Variants in TSG101 observed in about 807,000 individuals in gnomAD.
TSG101 encodes tumor susceptibility 101.
TSG101 carries 19 observed loss-of-function variants against 48.5 expected under a neutral mutation model. That is an observed-to-expected ratio of 0.39 (90% CI 0.27 to 0.58). The LOEUF (loss-of-function observed/expected upper bound fraction) is 0.58. Among genes scored for constraint, TSG101 ranks in the 20% least tolerant of loss-of-function variants. The probability of loss-of-function intolerance (pLI) is 0.55; values close to 1 mark genes in which losing one functional copy is unlikely to be tolerated. For missense variants in TSG101, 365 were observed against 484.4 expected (o/e 0.75, Z 2.31); for synonymous variants, 174 against 169.4 (o/e 1.03, Z -0.21).
At chr11:18,492,468 T>C (rs1480222697) in intron 7 of TSG101, among the ~76,000 whole-genome samples, 1 of 152,234 alleles carries the variant, frequency 6.6e-6, no homozygotes, top group South Asian at 2.1e-4. Flanking sequence ...AATTTTTAAA[T>C]CCTTATTTTT....
chr11:18,504,536 G>T (rs1420752644), intron 6 of TSG101, among the ~76,000 whole-genome samples: 3 of 152,132 alleles, frequency 2.0e-5, no homozygotes, highest in African/African-American at 7.2e-5. Context: ...ATGCTGTAAA[G>T]AAATGTCAAT....
chr11:18,496,509 A>ACAT (rs1849786276), intron 7 of TSG101, among the ~76,000 whole-genome samples: 1 of 145,474 alleles, frequency 6.9e-6, no homozygotes, highest in African/African-American at 2.5e-5. Flanking sequence ...AAATAAAATA[A>ACAT]ATCTACAGAG....
chr11:18,498,988 T>C (rs1190725263), intron 7 of TSG101, among the ~76,000 whole-genome samples: 2 of 151,868 alleles, frequency 1.3e-5, no homozygotes, highest in Non-Finnish European at 2.9e-5. Context: ...AACTATCCAT[T>C]GGATGTAACC....
Position 18,500,015 on chromosome 11 carries a change from C to T in TSG101, c.640+2471G>A, listed in dbSNP as rs574866227. ...CATAAGCCCTATCCCACCCACACAC[C>T]GTTCTTAAGTCTCTGGTGTCTATCA... On this transcript the variant is annotated intron_variant, in intron 7 of 9. Coordinates refer to ENST00000251968, the MANE Select transcript of TSG101 (RefSeq NM_006292.4). 6.3e-4 allele frequency among the ~76,000 whole-genome samples: 96 copies of T among 152,266 alleles called. 1 individual carries two copies. Among genetic ancestry groups the T allele is most frequent in the South Asian group, 1.0e-3 (5 of 4,826 alleles).
At chr11:18,509,702 T>C (rs532218738) in intron 4 of TSG101, 37 bp from the exon 5 acceptor site, 18 of 1,536,840 alleles carry the variant, frequency 1.2e-5, no homozygotes, top group Non-Finnish European at 1.6e-5. Flanking sequence ...AGCTACAGAG[T>C]TGCTTTTCAG....
intron 4 of TSG101, among the ~76,000 whole-genome samples, chr11:18,514,195 A>G (rs1255159359): frequency 2.6e-5 from 4 of 152,018 alleles, no homozygotes; most frequent in Non-Finnish European, 5.9e-5. Context: ...ACATGTCTTG[A>G]TTGCCTAAAC....
chr11:18,520,659 T>C (rs187922698), intron 1 of TSG101, among the ~76,000 whole-genome samples: 84 of 152,344 alleles, frequency 5.5e-4, no homozygotes, highest in African/African-American at 1.8e-3. Context: ...GTTTGGAATG[T>C]GTTAATTGTA....
Position 18,484,018 on chromosome 11 carries a change from G to A in TSG101, c.695C>T (p.Ser232Phe). The A allele has an allele frequency of 6.2e-7, 1 of 1,614,196 alleles. No individual in the cohort carries two copies. The highest frequency in any genetic ancestry group is 8.5e-7 in the Non-Finnish European group (1 of 1,180,040). The change falls in exon 8 of 10, where the codon TCT becomes TTT. Residue 232 changes from serine to phenylalanine, a missense_variant. Coordinates refer to ENST00000251968, the MANE Select transcript of TSG101 (RefSeq NM_006292.4). ...SEDTIRASLI[S>F]AVSDKLRWRM... ...CCATCTCAGTTTGTCACTGACCGCAGAGATGAGAGAGGCTCGGATGGTGTC... is the reference window on the plus strand; with the variant it reads ...CCATCTCAGTTTGTCACTGACCGCAAAGATGAGAGAGGCTCGGATGGTGTC...
At chr11:18,481,533 T>G in intron 9 of TSG101, 97 bp downstream of exon 9, 2 of 1,510,252 alleles carry the variant, frequency 1.3e-6, no homozygotes, top group South Asian at 2.8e-5. Context: ...AGAATCTTAA[T>G]CCATACTACA....
intron 7 of TSG101, among the ~76,000 whole-genome samples, chr11:18,499,390 A>ATTTTTTTTTTT: frequency 4.4e-4 from 3 of 6,874 alleles, no homozygotes; most frequent in Non-Finnish European, 4.9e-4. Flanking sequence ...AAATATATAT[A>ATTTTTTTTTTT]TATATATATA....
intron 7 of TSG101, among the ~76,000 whole-genome samples, chr11:18,487,810 C>T (rs1849642468): frequency 6.6e-6 from 1 of 152,186 alleles, no homozygotes; most frequent in Non-Finnish European, 1.5e-5. Context: ...TTTTCCATTG[C>T]TCCATGTTGC....
In TSG101 at chr11:18,483,852, CTTTAAT is replaced by C; in HGVS notation, c.843+12_843+17del. On this transcript the variant is annotated intron_variant, in intron 8 of 9. Transcript: ENST00000251968. ...ACAATTCAATCCAAAAATTTTAAGT[CTTTAAT>C]GAGTCACTTACTACTTCTTGATCTA... 1 of 1,613,356 alleles carries C rather than the reference CTTTAAT, an allele frequency of 6.2e-7. No homozygotes were observed. The highest frequency in any genetic ancestry group is 2.2e-5 in the East Asian group (1 of 44,882).
intron 7 of TSG101, among the ~76,000 whole-genome samples, chr11:18,499,613 A>T (rs1235318399): frequency 6.7e-6 from 1 of 150,096 alleles, no homozygotes; most frequent in South Asian, 2.1e-4. Context: ...GGGTTTCACC[A>T]TGTTGGCCAG....
At chr11:18,490,048 C>T (rs1254878437) in intron 7 of TSG101, among the ~76,000 whole-genome samples, 4 of 150,884 alleles carry the variant, frequency 2.7e-5, no homozygotes, top group South Asian at 2.2e-4. Flanking sequence ...TTCAGAATGC[C>T]GTGGCATTTA....
chr11:18,512,364 TAATCTC>T (rs1189692414), intron 4 of TSG101, among the ~76,000 whole-genome samples: 1 of 152,200 alleles, frequency 6.6e-6, no homozygotes, highest in Non-Finnish European at 1.5e-5. Flanking sequence ...ACTGAGTTCT[TAATCTC>T]TATTATTCTA....
chr11:18,487,672 C>G (rs1849639465), intron 7 of TSG101, among the ~76,000 whole-genome samples: 1 of 152,076 alleles, frequency 6.6e-6, no homozygotes, highest in African/African-American at 2.4e-5. Context: ...GGCATCCCAC[C>G]TATTTGCTAT....
intron 7 of TSG101, among the ~76,000 whole-genome samples, chr11:18,487,727 G>C (rs1041327908): frequency 1.3e-5 from 2 of 152,140 alleles, no homozygotes; most frequent in African/African-American, 2.4e-5. Flanking sequence ...TCAAAGTATA[G>C]GAATCTGCTA....
At position 18,481,646 on chromosome 11, in the gene TSG101, A is replaced by G. The variant is rs1221148491; in HGVS notation, c.1067T>C (p.Leu356Pro). ...AAGAAATACCTTCAGGAAGACATCCAGGTCTATCACGCCCCTTCTCAAGGC... is the reference window on the plus strand; with the variant it reads ...AAGAAATACCTTCAGGAAGACATCCGGGTCTATCACGCCCCTTCTCAAGGC... Reference protein sequence around the residue: ...GEALRRGVIDLDVFLKHVRLL... With the variant: ...GEALRRGVIDPDVFLKHVRLL... The change falls in exon 9 of 10, where the codon CTG (leucine) becomes CCG (proline). Residue 356 changes from leucine to proline, a missense_variant. Coordinates refer to ENST00000251968, the MANE Select transcript of TSG101 (RefSeq NM_006292.4). The G allele has an allele frequency of 6.2e-7, 1 of 1,613,136 alleles. No homozygotes were observed. The highest frequency in any genetic ancestry group is 8.5e-7 in the Non-Finnish European group (1 of 1,179,660).
At chr11:18,501,865 T>A (rs1382711893) in intron 7 of TSG101, among the ~76,000 whole-genome samples, 1 of 152,214 alleles carries the variant, frequency 6.6e-6, no homozygotes, top group Non-Finnish European at 1.5e-5. Context: ...GCTGAAGTGA[T>A]GCCCCTGAGT....
Sources: allele counts gnomAD v4.1 joint callset (sites outside exome capture counted in the v4.1 genomes callset), GRCh38; gene constraint gnomAD v4.1.1; transcripts MANE v1.5; gene names NCBI Gene and HGNC (gene_info 2026-07-23, HGNC 2026-07-21).